Variants in MMUT observed in about 807,000 individuals in gnomAD.
MMUT encodes the protein methylmalonyl-CoA mutase, also known as methylmalonyl-CoA mutase, mitochondrial.
In MMUT, 79 loss-of-function variants were observed where a neutral mutation model predicts 79.9. The observed-to-expected ratio is 0.99, with a 90% CI of 0.82 to 1.19. MMUT has a LOEUF of 1.19. Ranked by LOEUF, MMUT falls within the 50% of genes most tolerant of loss-of-function variation. The pLI, the probability that MMUT is intolerant of heterozygous loss-of-function variation, is 0.00. For missense variants in MMUT, 860 were observed against 917.2 expected (o/e 0.94, Z 0.81); for synonymous variants, 273 against 295.7 (o/e 0.92, Z 0.79).
chr6:49,452,151 A>G (rs6923124), intron 5 of MMUT, among the ~76,000 whole-genome samples: 55,412 of 152,024 alleles, frequency 0.36, 10,313 homozygotes, highest in African/African-American at 0.42. Flanking sequence ...CTGAGATATC[A>G]GAAATTTGAG....
At position 49,435,608 on chromosome 6, in the gene MMUT, C is replaced by T; in HGVS notation, c.1972G>A (p.Ala658Thr). 6.2e-7 allele frequency: 1 copy of T among 1,613,756 alleles called. No homozygotes were observed. The highest frequency in any genetic ancestry group is 8.5e-7 in the Non-Finnish European group (1 of 1,179,914). The change falls in exon 12 of 13, where the codon GCC becomes ACC. Residue 658 changes from alanine (A) to threonine (T), a missense_variant. By Grantham distance (58) the Ala-to-Thr change is moderately conservative. Coordinates refer to ENST00000274813, the MANE Select transcript of MMUT (RefSeq NM_000255.4). ...ACATCCGCATCCACAGCCTGCTGGG[C>T]CACTTCACGAGGAGTCTAAACAGTC... is the stretch of plus-strand genomic sequence containing the variant. ...GPLFQTPREV[A>T]QQAVDADVHA... is the part of the protein sequence containing the mutation.
intron 2 of MMUT, among the ~76,000 whole-genome samples, chr6:49,458,848 A>G (rs941804262): frequency 6.6e-6 from 1 of 152,154 alleles, no homozygotes; most frequent in Non-Finnish European, 1.5e-5. Context: ...ACCTCACCTA[A>G]TTCCTTTTAA....
Position 49,448,929 on chromosome 6 carries a change from T to TA in MMUT, c.1333-3dup. 3.1e-6 allele frequency: 5 copies of TA among 1,593,378 alleles called. No individual in the cohort carries two copies. The highest frequency in any genetic ancestry group is 2.2e-5 in the East Asian group (1 of 44,526). On this transcript the variant is annotated splice_polypyrimidine_tract_variant and splice_region_variant and intron_variant, in intron 6 of 12. Transcript: ENST00000274813. ...CATTTCTTCAATTTCATTAATGAGC[T>TA]AAAAAGAAAAACATTAACAAAACTA...
intron 1 of MMUT, among the ~76,000 whole-genome samples, 169 bp downstream of exon 1, chr6:49,462,934 T>C (rs1767893599): frequency 1.3e-5 from 2 of 152,106 alleles, no homozygotes; most frequent in East Asian, 1.9e-4. Flanking sequence ...AGTGAAAATC[T>C]AAACCTAAGG....
At chr6:49,440,173 A>T in intron 11 of MMUT, 33 bp downstream of exon 11, 1 of 1,612,924 alleles carries the variant, frequency 6.2e-7, no homozygotes, top group Non-Finnish European at 8.5e-7. Flanking sequence ...ACTAGTAAAT[A>T]CTTTTGAAAT....
At chr6:49,454,742 G>C (rs1767644077) in intron 4 of MMUT, among the ~76,000 whole-genome samples, 1 of 152,060 alleles carries the variant, frequency 6.6e-6, no homozygotes, top group Admixed American at 6.6e-5. Context: ...TTATTTACTA[G>C]TTCATTCAAA....
intron 11 of MMUT, among the ~76,000 whole-genome samples, chr6:49,436,867 T>C (rs1767144891): frequency 6.6e-6 from 1 of 152,132 alleles, no homozygotes; most frequent in Admixed American, 6.5e-5. Context: ...TTCTTTCTTA[T>C]AATTGGGAGC....
At chr6:49,432,667 A>G (rs950918379) in intron 12 of MMUT, among the ~76,000 whole-genome samples, 3 of 152,290 alleles carry the variant, frequency 2.0e-5, no homozygotes, top group Non-Finnish European at 2.9e-5. Context: ...GATTACAGGC[A>G]TGAGCCACCG....
intron 4 of MMUT, 136 bp from the exon 5 acceptor site, chr6:49,453,892 G>A: frequency 1.4e-6 from 1 of 720,720 alleles, no homozygotes. Flanking sequence ...ATTAAGATCA[G>A]TGCACGTACA....
chr6:49,451,690 T>C lies in MMUT; in HGVS notation c.1108A>G (p.Thr370Ala). ...EQDPYNNIVR[T>A]AIEAMAAVFG... ...ACTGCTGCCATTGCTTCTATTGCAG[T>C]ACGGACAATATTATTGTAGGGATCC... The change falls in exon 6 of 13, where the codon ACT (threonine) becomes GCT (alanine). Residue 370 changes from threonine (T) to alanine (A), a missense_variant. By Grantham distance (58) the Thr-to-Ala change is moderately conservative (BLOSUM62 0). Transcript: ENST00000274813. The C allele has an allele frequency of 6.2e-7, 1 of 1,613,886 alleles. No individual in the cohort carries two copies. Among genetic ancestry groups the C allele is most frequent in the Non-Finnish European group, 8.5e-7 (1 of 1,179,838 alleles).
At chr6:49,456,365 T>A in intron 3 of MMUT, 128 bp from the exon 4 acceptor site, 1 of 721,262 alleles carries the variant, frequency 1.4e-6, no homozygotes, top group South Asian at 1.7e-5. Context: ...TAGTTCATAA[T>A]GTTAACAAAA....
At chr6:49,456,371 C>T (rs1476469175) in intron 3 of MMUT, 134 bp from the exon 4 acceptor site, 1 of 702,258 alleles carries the variant, frequency 1.4e-6, no homozygotes, top group Non-Finnish European at 2.4e-6. Flanking sequence ...ATAATGTTAA[C>T]AAAATATTTA....
At chr6:49,440,476 GTATT>G in intron 10 of MMUT, 123 bp from the exon 11 acceptor site, 4 of 1,053,810 alleles carry the variant, frequency 3.8e-6, no homozygotes, top group Non-Finnish European at 5.4e-6. Flanking sequence ...TTGTTTACTT[GTATT>G]TTGGGTTGTT....
intron 9 of MMUT, among the ~76,000 whole-genome samples, chr6:49,443,023 T>C (rs931467001): frequency 2.0e-5 from 3 of 152,132 alleles, no homozygotes; most frequent in African/African-American, 7.2e-5. Context: ...TAAAGCAACA[T>C]ATTTTTTTAA....
intron 10 of MMUT, among the ~76,000 whole-genome samples, chr6:49,441,321 A>G (rs1767267931): frequency 6.6e-6 from 1 of 152,114 alleles, no homozygotes; most frequent in African/African-American, 2.4e-5. Flanking sequence ...GTTTACTTTC[A>G]ATTATGAAAA....
At chr6:49,440,476 G>T in intron 10 of MMUT, 123 bp from the exon 11 acceptor site, 1 of 1,053,802 alleles carries the variant, frequency 9.5e-7, no homozygotes, top group South Asian at 1.5e-5. Flanking sequence ...TTGTTTACTT[G>T]TATTTTGGGT....
intron 2 of MMUT, among the ~76,000 whole-genome samples, chr6:49,458,335 C>A (rs1272384222): frequency 2.6e-5 from 4 of 152,266 alleles, no homozygotes; most frequent in East Asian, 1.9e-4. Context: ...CATCTCGTAT[C>A]TATCTGAAGA....
At chr6:49,442,347 C>A (rs1464552946) in intron 9 of MMUT, among the ~76,000 whole-genome samples, 1 of 152,040 alleles carries the variant, frequency 6.6e-6, no homozygotes, top group Admixed American at 6.6e-5. Context: ...CATATTCCAT[C>A]CATTTGTTCA....
intron 8 of MMUT, 140 bp from the exon 9 acceptor site, chr6:49,444,894 G>C (rs973850437): frequency 1.7e-6 from 1 of 602,842 alleles, no homozygotes; most frequent in Non-Finnish European, 2.9e-6. Context: ...AAATTGAAAA[G>C]AATAATATAT....
Sources: gnomAD v4.1 joint callset for allele counts (sites outside exome capture counted in the v4.1 genomes callset) on GRCh38, gnomAD v4.1.1 for gene constraint, MANE v1.5 for transcripts, NCBI Gene and HGNC (gene_info 2026-07-23, HGNC 2026-07-21) for gene names.